The following TG variants were observed in gnomAD, a reference collection of about 807,000 sequenced individuals.
The protein encoded by TG is thyroglobulin.
In TG, 270 loss-of-function variants were observed where a neutral mutation model predicts 324.7. The observed-to-expected ratio is 0.83, with a 90% CI of 0.75 to 0.92. TG has a LOEUF of 0.92. TG is among the 40% of genes least tolerant of loss of function. The pLI is 0.00. For missense variants in TG, 3,591 were observed against 3,456.4 expected (o/e 1.04, Z -0.98); for synonymous variants, 1,401 against 1,327.0 (o/e 1.06, Z -1.21).
chr8:133,099,494 A>T (rs1236438698), intron 43 of TG, among the ~76,000 whole-genome samples: 1 of 152,180 alleles, frequency 6.6e-6, no homozygotes. Flanking sequence ...CTGCACACAG[A>T]TTTATTCCTC....
rs367688576 is a variant in TG, at chr8:132,967,826, G to A, written c.5719G>A (p.Ala1907Thr). ...GCAGGAGCACTCTTTCTGTCAGCTC[G>A]CAGAGATAACAGAGAGTGCATCCTT... ...CVQEHSFCQL[A>T]EITESASLYF... is the part of the protein sequence containing the mutation. Residue 1907 changes from alanine to threonine, a missense_variant, in exon 31 of 48, where the codon GCA (alanine) becomes ACA (threonine). Physicochemically the swap from Ala to Thr is moderately conservative, Grantham distance 58. Coordinates refer to ENST00000220616, the MANE Select transcript of TG (RefSeq NM_003235.5). 18 of 1,613,854 alleles carry A rather than the reference G, an allele frequency of 1.1e-5. No homozygotes were observed. In the African/African-American group the frequency reaches 1.2e-4, roughly 11 times the overall value.
At chr8:132,982,392 T>C (rs1329200331) in intron 34 of TG, among the ~76,000 whole-genome samples, 1 of 152,202 alleles carries the variant, frequency 6.6e-6, no homozygotes. Context: ...AATGAAGATT[T>C]AGATTTATTC....
chr8:133,039,656 C>T (rs1253638888), intron 41 of TG, among the ~76,000 whole-genome samples: 2 of 152,138 alleles, frequency 1.3e-5, no homozygotes, highest in Non-Finnish European at 2.9e-5. Flanking sequence ...TAAATTTACA[C>T]AGGATGTGTT....
At chr8:132,879,766 G>T (rs1315293667) in intron 5 of TG, among the ~76,000 whole-genome samples, 1 of 152,048 alleles carries the variant, frequency 6.6e-6, no homozygotes, top group Non-Finnish European at 1.5e-5. Flanking sequence ...TCAAGAGTGA[G>T]GTCCATGCAA....
Position 132,893,778 on chromosome 8 carries a change from G to T in TG, c.2850G>T (p.Arg950=). 1 of 1,613,978 alleles carries T rather than the reference G, an allele frequency of 6.2e-7. No homozygotes were observed. Among genetic ancestry groups the T allele is most frequent in the Admixed American group, 1.7e-5 (1 of 60,008 alleles). ...TTGTTTCAGCTTCCAACAGTTCTCG[G>T]TTCCCTCTGGGGGAGAGTTTCCTGG... ...EEIVSASNSS[R]FPLGESFLVA... The change falls in exon 11 of 48, where the codon CGG becomes CGT. Residue 950 remains arginine, a synonymous_variant. Coordinates refer to ENST00000220616, the MANE Select transcript of TG (RefSeq NM_003235.5).
At chr8:132,932,086 CCT>C (rs1489684140) in intron 23 of TG, among the ~76,000 whole-genome samples, 1 of 150,760 alleles carries the variant, frequency 6.6e-6, no homozygotes, top group Admixed American at 6.7e-5. Context: ...AGAGCCAGAC[CCT>C]GTCTCAAAAA....
At chr8:132,972,568 G>GTTTT in intron 33 of TG, 30 bp from the exon 34 acceptor site, 1 of 1,308,908 alleles carries the variant, frequency 7.6e-7, no homozygotes. Context: ...TCCTGATTGT[G>GTTTT]GTTTTTTGTT....
In TG at chr8:132,948,915, G is replaced by A. The variant is rs1169084456; in HGVS notation, c.5373G>A (p.Leu1791=). The A allele has an allele frequency of 1.2e-6, 2 of 1,613,924 alleles. No individual in the cohort carries two copies. The highest frequency in any genetic ancestry group is 1.7e-6 in the Non-Finnish European group (2 of 1,180,024). The change falls in exon 27 of 48, where the codon TTG becomes TTA. Residue 1791 remains leucine (L), a synonymous_variant. Coordinates refer to ENST00000220616, the MANE Select transcript of TG (RefSeq NM_003235.5). The stretch of plus-strand genomic sequence containing the variant: ...ACCAGGAGAGCCACCAGGTGATATT[G>A]CGTCTTGGAGACCAGGAGTTCATCA... ...TYDQESHQVI[L]RLGDQEFIKS... is the part of the protein sequence containing the mutation.
In TG at chr8:133,038,549, G is replaced by A. The variant is rs751008221; in HGVS notation, c.7239+8526G>A. 1.9e-5 allele frequency: 31 copies of A among 1,613,338 alleles called. No homozygotes were observed. The highest frequency in any genetic ancestry group is 2.5e-5 in the Non-Finnish European group (29 of 1,179,360). ...CTAGTCCTCAAAGTAAGGTGGTGAT[G>A]AGAAGAATGAGCTCTTTCTCTTGCT... On this transcript the variant is annotated intron_variant, in intron 41 of 47. Transcript: ENST00000220616.
rs761837837 is a variant in TG, at chr8:132,901,367, A to G, written c.3448A>G (p.Asn1150Asp). 1.3e-5 allele frequency: 21 copies of G among 1,614,008 alleles called. No homozygotes were observed. Among genetic ancestry groups the G allele is most frequent in the Non-Finnish European group, 3.4e-6 (4 of 1,180,022 alleles). The change falls in exon 16 of 48, where the codon AAT becomes GAT. Residue 1150 changes from asparagine to aspartate, a missense_variant. Asn to Asp is a conservative substitution (Grantham distance 23, BLOSUM62 1). Coordinates refer to ENST00000220616, the MANE Select transcript of TG (RefSeq NM_003235.5). ...CTCTGTGTCAGGCCCAAGCCTCTGC[A>G]ATGTGCTCAAGAGTGGAGTCCTCTC... Reference protein sequence around the residue: ...SSSAQCPSLCNVLKSGVLSRR... With the variant: ...SSSAQCPSLCDVLKSGVLSRR...
In TG at chr8:132,935,915, A is replaced by G. The variant is rs770365143; in HGVS notation, c.5041+51A>G. The G allele has an allele frequency of 3.5e-6, 5 of 1,440,720 alleles. No homozygotes were observed. The South Asian group carries it at 3.5e-5, about 10-fold the overall frequency. The allele number at this position is 1,440,720 out of a possible 1,614,324, so 89.2% of individuals were successfully genotyped here. A position where few individuals can be genotyped will look rare whatever the true frequency, so the allele number is the denominator to read the frequency against. ...AGGCCCGCGGTGGCTTCACACGGTC[A>G]TGTTTGGAGCTGGTTTCCAGCAGGT... On this transcript the variant is annotated intron_variant, in intron 25 of 47. Transcript: ENST00000220616.
chr8:133,131,062 G>A (rs901466640), intron 45 of TG, among the ~76,000 whole-genome samples: 7 of 152,174 alleles, frequency 4.6e-5, no homozygotes, highest in Non-Finnish European at 1.0e-4. Flanking sequence ...AGAAGCCAAA[G>A]GCAAAGTCCA....
At chr8:132,961,428 C>T (rs1055752414) in intron 28 of TG, among the ~76,000 whole-genome samples, 4 of 152,182 alleles carry the variant, frequency 2.6e-5, no homozygotes, top group Non-Finnish European at 5.9e-5. Flanking sequence ...ATGTGCCTTT[C>T]ACCCTGAGGC....
chr8:132,894,445 A>G (rs1218158491), intron 11 of TG, among the ~76,000 whole-genome samples: 2 of 151,788 alleles, frequency 1.3e-5, no homozygotes, highest in East Asian at 3.9e-4. Flanking sequence ...GTCTATAATA[A>G]CAGCTGAACA....
chr8:133,007,896 G>C (rs1446986103), intron 35 of TG, among the ~76,000 whole-genome samples: 1 of 151,828 alleles, frequency 6.6e-6, no homozygotes, highest in Non-Finnish European at 1.5e-5. Flanking sequence ...GTCAGTAAAG[G>C]GGACCCATAC....
chr8:133,072,146 A>G (rs1265003905), intron 41 of TG, among the ~76,000 whole-genome samples: 1 of 152,138 alleles, frequency 6.6e-6, no homozygotes, highest in African/African-American at 2.4e-5. Flanking sequence ...ATACACACCA[A>G]GTCCTCCAGC....
At chr8:133,067,274 G>T (rs1843171817) in intron 41 of TG, among the ~76,000 whole-genome samples, 1 of 152,046 alleles carries the variant, frequency 6.6e-6, no homozygotes, top group Non-Finnish European at 1.5e-5. Flanking sequence ...AGGTGCAGCC[G>T]CAGGCCTGTT....
At chr8:133,053,635 G>A (rs1840834485) in intron 41 of TG, among the ~76,000 whole-genome samples, 1 of 152,102 alleles carries the variant, frequency 6.6e-6, no homozygotes, top group African/African-American at 2.4e-5. Flanking sequence ...GGGGTTTGAG[G>A]TTTGATATCA....
chr8:133,099,316 C>T (rs1564190400), intron 43 of TG, among the ~76,000 whole-genome samples: 1 of 152,254 alleles, frequency 6.6e-6, no homozygotes, highest in Non-Finnish European at 1.5e-5. Flanking sequence ...TTGGGACACG[C>T]ATTAGTGAAG....
Sources: gnomAD v4.1 joint callset for allele counts (sites outside exome capture counted in the v4.1 genomes callset) on GRCh38, gnomAD v4.1.1 for gene constraint, MANE v1.5 for transcripts, NCBI Gene and HGNC (gene_info 2026-07-23, HGNC 2026-07-21) for gene names.